Variants in EZH1 observed in about 807,000 individuals in gnomAD.
The protein encoded by EZH1 is histone-lysine N-methyltransferase EZH1.
A neutral mutation model predicts 100.5 loss-of-function variants in EZH1; 33 were observed. The observed-to-expected ratio is 0.33, with a 90% CI of 0.25 to 0.44. The LOEUF (loss-of-function observed/expected upper bound fraction) is 0.44. Among genes scored for constraint, EZH1 ranks in the 20% least tolerant of loss-of-function variants. The probability of loss-of-function intolerance (pLI) is 1.00; values close to 1 mark genes in which losing one functional copy is unlikely to be tolerated. For synonymous variants in EZH1, 272 were observed against 313.8 expected, an observed-to-expected ratio of 0.87 and a Z score of 1.41; for missense variants, 475 against 928.4, an observed-to-expected ratio of 0.51 and a Z score of 6.35.
At position 42,724,161 on chromosome 17, in the gene EZH1, G is replaced by A. The variant is rs113947797; in HGVS notation, c.366+144C>T. ...CAACTTGCAATATATATTGTTTAGA[G>A]TAAGTAAATTACAACCTTGTTCTGC... On this transcript the variant is annotated intron_variant, in intron 5 of 20. Coordinates refer to ENST00000428826, the MANE Select transcript of EZH1 (RefSeq NM_001991.5). 6.9e-5 allele frequency: 59 copies of A among 850,128 alleles called. 3 individuals are homozygous for A. The Middle Eastern group carries it at 1.0e-3, about 15-fold the overall frequency. 52.7% of individuals were successfully genotyped at this position (850,128 alleles called of 1,614,324 possible). A position where few individuals can be genotyped will look rare whatever the true frequency, so the allele number is the denominator to read the frequency against.
chr17:42,744,407 T>G (rs2054238014), intron 1 of EZH1, among the ~76,000 whole-genome samples: 1 of 152,134 alleles, frequency 6.6e-6, no homozygotes, highest in South Asian at 2.1e-4. Flanking sequence ...GGGCCAGGCC[T>G]GGGGTGAGGC....
chr17:42,714,201 C>T (rs1201609984), intron 10 of EZH1: 1 of 153,444 alleles, frequency 6.5e-6, no homozygotes, highest in African/African-American at 2.4e-5. Context: ...TCTCATCAGA[C>T]TTGGTTTTCA....
In EZH1 at chr17:42,722,865, C is replaced by G; in HGVS notation, c.417G>C (p.Val139=). 1 of 1,614,100 alleles carries G rather than the reference C, an allele frequency of 6.2e-7. No individual in the cohort carries two copies. Among genetic ancestry groups the G allele is most frequent in the South Asian group, 1.1e-5 (1 of 91,076 alleles). Residue 139 remains valine, a synonymous_variant, in exon 6 of 21, where the codon GTG becomes GTC. Coordinates refer to ENST00000428826, the MANE Select transcript of EZH1 (RefSeq NM_001991.5). ...CAATAAAAGTCTCATCTTCTTCTTTCACTTCATCTCCCATGTAGGGAATAT... is the reference window on the plus strand; with the variant it reads ...CAATAAAAGTCTCATCTTCTTCTTTGACTTCATCTCCCATGTAGGGAATAT... ...LCNIPYMGDE[V]KEEDETFIEE...
intron 2 of EZH1, chr17:42,729,197 A>G (rs571490632): frequency 1.6e-4 from 51 of 325,416 alleles, no homozygotes; most frequent in Middle Eastern, 9.8e-4. Flanking sequence ...ACTTGAGCCC[A>G]GTGATTTGAG....
Position 42,703,798 on chromosome 17 carries a change from C to T in EZH1, c.2040G>A (p.Arg680=), listed in dbSNP as rs1328203891. Residue 680 remains arginine (R), a synonymous_variant, in exon 19 of 21, where the codon CGG becomes CGA. Transcript: ENST00000428826. ...LNNDFVVDAT[R]KGNKIRFANH... is the part of the protein sequence containing the mutation. ...TTGCAAATCGAATTTTGTTTCCTTT[C>T]CGAGTAGCATCCACTACAAAATCTG... 6.2e-7 allele frequency: 1 copy of T among 1,613,844 alleles called. No individual in the cohort carries two copies. The highest frequency in any genetic ancestry group is 1.7e-5 in the Admixed American group (1 of 59,988).
Position 42,718,397 on chromosome 17 carries a change from A to C in EZH1, c.931+57T>G. Reference sequence around the variant, plus strand: ...CGAGAAACCAGAACAAAGAGAAGGAAATGGTGGCTGGGGATGGAAGAGAGG... The same window carrying C: ...CGAGAAACCAGAACAAAGAGAAGGACATGGTGGCTGGGGATGGAAGAGAGG... On this transcript the variant is annotated intron_variant, in intron 9 of 20. Transcript: ENST00000428826. The surrounding 1 kb of genome is among the most constrained non-coding windows in gnomAD (Gnocchi z 4.2). The C allele has an allele frequency of 6.3e-7, 1 of 1,598,136 alleles. No homozygotes were observed. The highest frequency in any genetic ancestry group is 1.1e-5 in the South Asian group (1 of 89,980).
chr17:42,717,060 C>T (rs190655247), intron 10 of EZH1, among the ~76,000 whole-genome samples: 6 of 152,196 alleles, frequency 3.9e-5, no homozygotes, highest in African/African-American at 1.2e-4. Context: ...TGAATTTCAT[C>T]GCTGCCATAC....
At chr17:42,727,815 TAATA>T (rs2053851978) in intron 3 of EZH1, 52 bp from the exon 4 acceptor site, 1 of 1,265,462 alleles carries the variant, frequency 7.9e-7, no homozygotes, top group Middle Eastern at 2.6e-4. Flanking sequence ...ATTAATTAAT[TAATA>T]ATTTATTTTT....
At chr17:42,735,974 C>A (rs1289721723) in intron 1 of EZH1, among the ~76,000 whole-genome samples, 1 of 151,508 alleles carries the variant, frequency 6.6e-6, no homozygotes, top group Non-Finnish European at 1.5e-5. Context: ...GACAGCGAGA[C>A]TCCGTCTCAA....
chr17:42,743,359 T>C (rs1392133518), intron 1 of EZH1, among the ~76,000 whole-genome samples: 7 of 149,948 alleles, frequency 4.7e-5, no homozygotes, highest in Admixed American at 4.7e-4. Flanking sequence ...TTAGTAGAGA[T>C]GGAGTTGTCC....
chr17:42,737,640 T>C lies in EZH1; in HGVS notation c.-102-6722A>G, dbSNP rs190663598. 4.5e-4 allele frequency among the ~76,000 whole-genome samples: 68 copies of C among 152,110 alleles called. 1 individual carries two copies. In the East Asian group the frequency reaches 0.013, roughly 28 times the overall value. ...AAAAACAAACAAACTATTCTTTCTT[T>C]TTTTTCTTTCTTAAAAAACAAACTA... On this transcript the variant is annotated intron_variant, in intron 1 of 20. Transcript: ENST00000428826.
chr17:42,720,670 A>AAT (rs1555648892), intron 6 of EZH1, among the ~76,000 whole-genome samples: 1 of 138,888 alleles, frequency 7.2e-6, no homozygotes, highest in Admixed American at 7.2e-5. Flanking sequence ...TATTTTTATT[A>AAT]TTTTTTTTAG....
intron 18 of EZH1, 110 bp from the exon 19 acceptor site, chr17:42,703,930 G>C: frequency 2.5e-6 from 2 of 803,688 alleles, no homozygotes; most frequent in South Asian, 1.5e-5. Flanking sequence ...AGTCTGATGG[G>C]AATGTTGAAG....
intron 2 of EZH1, 184 bp from the exon 3 acceptor site, chr17:42,729,136 G>C (rs1328922068): frequency 8.9e-6 from 5 of 564,524 alleles, no homozygotes; most frequent in Non-Finnish European, 1.5e-5. Context: ...AAAAGAGGCA[G>C]GGGCTCACAC....
At chr17:42,738,700 C>T (rs1260721045) in intron 1 of EZH1, among the ~76,000 whole-genome samples, 3 of 150,968 alleles carry the variant, frequency 2.0e-5, no homozygotes, top group Non-Finnish European at 2.9e-5. Context: ...AATTCACCCA[C>T]CTTGGCCTCC....
intron 12 of EZH1, among the ~76,000 whole-genome samples, chr17:42,710,830 C>T (rs1375752819): frequency 6.8e-6 from 1 of 146,374 alleles, no homozygotes; most frequent in African/African-American, 2.6e-5. Context: ...ACTTTGTTGC[C>T]CACACTGGTC....
At chr17:42,708,593 T>C (rs1390765824) in intron 14 of EZH1, among the ~76,000 whole-genome samples, 1 of 152,150 alleles carries the variant, frequency 6.6e-6, no homozygotes, top group Non-Finnish European at 1.5e-5. Flanking sequence ...AGGCGGAGGT[T>C]GCAGTGAGCC....
At chr17:42,716,120 A>G (rs1181071331) in intron 10 of EZH1, among the ~76,000 whole-genome samples, 1 of 152,160 alleles carries the variant, frequency 6.6e-6, no homozygotes, top group Non-Finnish European at 1.5e-5. Flanking sequence ...GAAACAAAAC[A>G]AAACAAAACA....
chr17:42,734,253 T>C (rs1330154906), intron 1 of EZH1, among the ~76,000 whole-genome samples: 1 of 151,964 alleles, frequency 6.6e-6, no homozygotes, highest in Non-Finnish European at 1.5e-5. Flanking sequence ...TTGACCAGCC[T>C]GGTCTGAAAC....
Sources: gnomAD v4.1 joint callset for allele counts (sites outside exome capture counted in the v4.1 genomes callset) on GRCh38, gnomAD v4.1.1 for gene constraint, Gnocchi (gnomAD v3.1) non-coding constraint, MANE v1.5 for transcripts, NCBI Gene and HGNC (gene_info 2026-07-23, HGNC 2026-07-21) for gene names.